PDGFRB: variants seen among roughly 807,000 people sequenced by gnomAD.
PDGFRB encodes platelet-derived growth factor receptor beta.
Under a neutral mutation model 120.2 loss-of-function variants are expected in PDGFRB, and 42 were observed. That is an observed-to-expected ratio of 0.35 (90% CI 0.27 to 0.45). PDGFRB has a LOEUF of 0.45. Ranked by LOEUF, PDGFRB falls within the 20% of genes least tolerant of loss-of-function variation. The probability of loss-of-function intolerance (pLI) is 1.00; values close to 1 mark genes in which losing one functional copy is unlikely to be tolerated. For missense variants in PDGFRB, 1,149 were observed against 1,476.3 expected (o/e 0.78, Z 3.63); for synonymous variants, 586 against 606.8 (o/e 0.97, Z 0.50).
At chr5:150,122,580 T>TGTCTTTGTTTTTGTA (rs2113892202) in intron 15 of PDGFRB, among the ~76,000 whole-genome samples, 1 of 152,376 alleles carries the variant, frequency 6.6e-6, no homozygotes, top group East Asian at 1.9e-4. Context: ...AAGCTACTCT[T>TGTCTTTGTTTTTGTA]GTCTTTGTTT....
intron 12 of PDGFRB, 100 bp downstream of exon 12, chr5:150,125,345 G>A (rs1230551213): frequency 5.9e-6 from 6 of 1,018,692 alleles, no homozygotes; most frequent in Non-Finnish European, 8.6e-6. Flanking sequence ...CCAGCCCTAG[G>A]TCTCATAGCT....
At chr5:150,146,825 A>C (rs762924380) in intron 1 of PDGFRB, among the ~76,000 whole-genome samples, 1 of 152,220 alleles carries the variant, frequency 6.6e-6, no homozygotes, top group South Asian at 2.1e-4. Context: ...AATGGCGTCC[A>C]TACGGAATCC....
intron 1 of PDGFRB, chr5:150,137,308 C>T (rs936444694): frequency 1.8e-5 from 8 of 452,496 alleles, no homozygotes; most frequent in East Asian, 4.2e-5. Flanking sequence ...CACGTGGCCT[C>T]GGCTGCGTCC....
chr5:150,142,167 G>A (rs1760802436), intron 1 of PDGFRB, among the ~76,000 whole-genome samples: 1 of 152,152 alleles, frequency 6.6e-6, no homozygotes, highest in Non-Finnish European at 1.5e-5. Flanking sequence ...GGGAAACTGA[G>A]GCTTAGGGAA....
Position 150,132,658 on chromosome 5 carries a change from T to C in PDGFRB, c.1127+92A>G, listed in dbSNP as rs2113906546. On this transcript the variant is annotated intron_variant, in intron 7 of 22. Transcript: ENST00000261799. The surrounding 1 kb of genome is among the most constrained non-coding windows in gnomAD (Gnocchi z 5.0). ...GGCACCTAATATGCTCTCAGAAAGC[T>C]GGGCCTAGGTTTGTGGCTGAAAGCC... is the stretch of plus-strand genomic sequence containing the variant. 1 of 1,239,446 alleles carries C rather than the reference T, an allele frequency of 8.1e-7. No homozygotes were observed. The highest frequency in any genetic ancestry group is 1.1e-6 in the Non-Finnish European group (1 of 895,068). 76.8% of individuals were successfully genotyped at this position (1,239,446 alleles called of 1,614,324 possible). A position where few individuals can be genotyped will look rare whatever the true frequency, so the allele number is the denominator to read the frequency against.
At position 150,123,163 on chromosome 5, in the gene PDGFRB, CT is replaced by C; in HGVS notation, c.2061del (p.Asp688ThrfsTer45). The C allele has an allele frequency of 6.2e-7, 1 of 1,613,882 alleles. No homozygotes were observed. The highest frequency in any genetic ancestry group is 1.1e-5 in the South Asian group (1 of 91,080). On this transcript the variant is annotated frameshift_variant, in exon 15 of 23. Coordinates refer to ENST00000261799, the MANE Select transcript of PDGFRB (RefSeq NM_002609.4). LOFTEE classifies it high-confidence loss of function. ...TTGCGGTGCAGGTAGTCCACCAGGT[CT>C]CCGTAGCGGCAGTACTCAGTGATGA... The part of the protein sequence containing the change: ...IYIITEYCRY[G>X]DLVDYLHRNK...
At chr5:150,130,945 G>A (rs1760449741) in intron 8 of PDGFRB, among the ~76,000 whole-genome samples, 1 of 152,138 alleles carries the variant, frequency 6.6e-6, no homozygotes, top group African/African-American at 2.4e-5. Context: ...TCAGAACCCT[G>A]GGCCACCAAG....
Position 150,115,629 on chromosome 5 carries a change from G to C in PDGFRB, c.*134C>G. On this transcript the variant is annotated 3_prime_UTR_variant, in exon 23 of 23. Coordinates refer to ENST00000261799, the MANE Select transcript of PDGFRB (RefSeq NM_002609.4). ...CAGGGTTTGGGGCACAACACGTCAGGAGCAGAAAGCTTCCAGAAGGGGACA... is the reference window on the plus strand; with the variant it reads ...CAGGGTTTGGGGCACAACACGTCAGCAGCAGAAAGCTTCCAGAAGGGGACA... 2 of 812,538 alleles carry C rather than the reference G, an allele frequency of 2.5e-6. No individual in the cohort carries two copies. Among genetic ancestry groups the C allele is most frequent in the Non-Finnish European group, 3.6e-6 (2 of 550,296 alleles). 50.3% of individuals were successfully genotyped at this position (812,538 alleles called of 1,614,324 possible).
chr5:150,127,304 C>G (rs1760322514), intron 10 of PDGFRB, among the ~76,000 whole-genome samples: 1 of 152,186 alleles, frequency 6.6e-6, no homozygotes, highest in Admixed American at 6.5e-5. Flanking sequence ...CTCATCCAGC[C>G]CCGCCAGACC....
Position 150,121,114 on chromosome 5 carries a change from G to T in PDGFRB, c.2463+90C>A. On this transcript the variant is annotated intron_variant, in intron 17 of 22. Transcript: ENST00000261799. This position sits in a 1 kb window ranked among gnomAD's most constrained non-coding sequence, Gnocchi z 4.1. The stretch of plus-strand genomic sequence containing the variant: ...ATACAACACTGCCCATGTGCGAGAG[G>T]CCACCCTGGTGTGCTCTTGGAGGAT... The T allele has an allele frequency of 7.1e-7, 1 of 1,411,736 alleles. No homozygotes were observed. Among genetic ancestry groups the T allele is most frequent in the Non-Finnish European group, 1.0e-6 (1 of 995,688 alleles). The allele number at this position is 1,411,736 out of a possible 1,614,324, so 87.5% of individuals were successfully genotyped here.
rs55712339 is a variant in PDGFRB at position 150,114,689 on chromosome 5, AC to A, written c.*1073del. The A allele has an allele frequency of 0.034, 7,849 of 233,296 alleles. 485 individuals carry two copies. Among genetic ancestry groups the A allele is most frequent in the East Asian group, 0.22 (3,666 of 16,548 alleles). The allele number at this position is 233,296 out of a possible 1,614,324, so 14.5% of individuals were successfully genotyped here. A position where few individuals can be genotyped will look rare whatever the true frequency, so the allele number is the denominator to read the frequency against. On this transcript the variant is annotated 3_prime_UTR_variant, in exon 23 of 23. Transcript: ENST00000261799. ...CTGGAATCTCCCAGGAGCCCAGCTGACCCCCAGGATGGAAGTTTAGGGTATA... is the reference window on the plus strand; with the variant it reads ...CTGGAATCTCCCAGGAGCCCAGCTGACCCCAGGATGGAAGTTTAGGGTATA...
At chr5:150,146,062 A>G (rs1340821999) in intron 1 of PDGFRB, among the ~76,000 whole-genome samples, 1 of 151,692 alleles carries the variant, frequency 6.6e-6, no homozygotes, top group Non-Finnish European at 1.5e-5. Context: ...CTCTATTCAC[A>G]TCTCCCCCAC....
chr5:150,123,212 A>C lies in PDGFRB; in HGVS notation c.2024-11T>G. On this transcript the variant is annotated splice_polypyrimidine_tract_variant and intron_variant, in intron 14 of 22. Transcript: ENST00000261799. The stretch of plus-strand genomic sequence containing the variant: ...TGATATAGATGGGTCCTGCAGAGGG[A>C]CAGGCTCAGGGACAGTCCCTATGGA... 2 of 1,610,944 alleles carry C rather than the reference A, an allele frequency of 1.2e-6. No homozygotes were observed. The highest frequency in any genetic ancestry group is 1.7e-6 in the Non-Finnish European group (2 of 1,178,688).
At chr5:150,144,033 A>G (rs547721148) in intron 1 of PDGFRB, among the ~76,000 whole-genome samples, 1 of 151,900 alleles carries the variant, frequency 6.6e-6, no homozygotes, top group Admixed American at 6.5e-5. Context: ...GCAGAAATCG[A>G]CTAAGATGGG....
At chr5:150,147,736 C>T (rs895573568) in intron 1 of PDGFRB, among the ~76,000 whole-genome samples, 1 of 152,182 alleles carries the variant, frequency 6.6e-6, no homozygotes, top group Non-Finnish European at 1.5e-5. Flanking sequence ...CCCCTGTCTT[C>T]GGTCATTCAC....
chr5:150,122,908 C>T, intron 15 of PDGFRB, 134 bp downstream of exon 15: 1 of 763,634 alleles, frequency 1.3e-6, no homozygotes, highest in Middle Eastern at 3.9e-4. Flanking sequence ...TCTTGTGGAA[C>T]AGCCCTAGCT....
intron 11 of PDGFRB, among the ~76,000 whole-genome samples, chr5:150,125,962 G>T (rs896003380): frequency 6.6e-6 from 1 of 152,216 alleles, no homozygotes; most frequent in Non-Finnish European, 1.5e-5. Context: ...CCTCCCCAGT[G>T]CTGGGCAAGT....
At position 150,114,390 on chromosome 5, in the gene PDGFRB, C is replaced by T. The variant is rs1268635187; in HGVS notation, c.*1373G>A. 1.3e-5 allele frequency: 3 copies of T among 233,194 alleles called. No homozygotes were observed. The highest frequency in any genetic ancestry group is 1.2e-4 in the East Asian group (2 of 16,598). 14.4% of individuals were successfully genotyped at this position (233,194 alleles called of 1,614,324 possible). A position where few individuals can be genotyped will look rare whatever the true frequency, so the allele number is the denominator to read the frequency against. On this transcript the variant is annotated 3_prime_UTR_variant, in exon 23 of 23. Transcript: ENST00000261799. ...CTGTCCTCACTGTCCATTCTGTCTT[C>T]GACGCAGACCTCGGCACAGGTGCTG...
At chr5:150,125,940 G>A (rs1760281608) in intron 11 of PDGFRB, among the ~76,000 whole-genome samples, 1 of 152,214 alleles carries the variant, frequency 6.6e-6, no homozygotes. Flanking sequence ...TACTCGGCTG[G>A]ATGCGGATGG....
Sources: allele counts gnomAD v4.1 joint callset (sites outside exome capture counted in the v4.1 genomes callset), GRCh38; gene constraint gnomAD v4.1.1; non-coding constraint Gnocchi (gnomAD v3.1); transcripts MANE v1.5; gene names NCBI Gene and HGNC (gene_info 2026-07-23, HGNC 2026-07-21).